The following CDH12 variants were observed in gnomAD, a reference collection of about 807,000 sequenced individuals.
CDH12 encodes cadherin-12.
In CDH12, 41 loss-of-function variants were observed where a neutral mutation model predicts 74.1. The observed-to-expected ratio is 0.55, with a 90% confidence interval of 0.43 to 0.72. CDH12 has a LOEUF of 0.72. Ranked by LOEUF, CDH12 falls within the 30% of genes least tolerant of loss-of-function variation. CDH12 has a pLI of 0.00. For missense variants in CDH12, 945 were observed against 977.2 expected (o/e 0.97, Z 0.44); for synonymous variants, 399 against 355.0 (o/e 1.12, Z -1.39).
chr5:22,586,591 A>G (rs1388317658), intron 1 of CDH12, among the ~76,000 whole-genome samples: 1 of 151,670 alleles, frequency 6.6e-6, no homozygotes, highest in African/African-American at 2.4e-5. Context: ...ATGATATCCT[A>G]TAATTACATA....
chr5:21,918,251 A>C (rs1754191162), intron 6 of CDH12, among the ~76,000 whole-genome samples: 1 of 152,150 alleles, frequency 6.6e-6, no homozygotes, highest in Admixed American at 6.5e-5. Context: ...AGTTTATTTT[A>C]TCCAGTTTCC....
chr5:22,813,292 C>T (rs936510723), intron 1 of CDH12, among the ~76,000 whole-genome samples: 12 of 152,146 alleles, frequency 7.9e-5, no homozygotes, highest in African/African-American at 1.9e-4. Flanking sequence ...ATTATGGCCA[C>T]GAGGTGAAGT....
chr5:22,787,816 T>G (rs1438888361), intron 1 of CDH12, among the ~76,000 whole-genome samples: 2 of 152,084 alleles, frequency 1.3e-5, no homozygotes, highest in Non-Finnish European at 2.9e-5. Context: ...GTCATCAGTC[T>G]TTGTCTTAGG....
chr5:21,799,174 G>C (rs1746971914), intron 10 of CDH12, among the ~76,000 whole-genome samples: 1 of 152,178 alleles, frequency 6.6e-6, no homozygotes, highest in Non-Finnish European at 1.5e-5. Context: ...GGAAAGGTCA[G>C]TAAGTGGCAA....
intron 3 of CDH12, among the ~76,000 whole-genome samples, chr5:22,285,840 G>C (rs1391970014): frequency 6.6e-6 from 1 of 151,992 alleles, no homozygotes; most frequent in Non-Finnish European, 1.5e-5. Context: ...TGAGAGCCCC[G>C]TGTATCAGGC....
At chr5:22,485,733 A>C (rs1355129129) in intron 2 of CDH12, among the ~76,000 whole-genome samples, 1 of 152,196 alleles carries the variant, frequency 6.6e-6, no homozygotes, top group South Asian at 2.1e-4. Flanking sequence ...TACAGCATGG[A>C]AGAAATTGTT....
chr5:22,077,133 G>A (rs4431310), intron 5 of CDH12, among the ~76,000 whole-genome samples: 57,673 of 151,526 alleles, frequency 0.38, 14,109 homozygotes, highest in African/African-American at 0.7. Context: ...GTACTTATGG[G>A]CTGATTTGAT....
chr5:21,984,886 C>G (rs1757450260), intron 5 of CDH12, among the ~76,000 whole-genome samples: 1 of 152,098 alleles, frequency 6.6e-6, no homozygotes, highest in African/African-American at 2.4e-5. Flanking sequence ...AAACATCATA[C>G]CAATTCACTA....
chr5:22,632,341 C>A (rs901028814), intron 1 of CDH12, among the ~76,000 whole-genome samples: 2 of 151,642 alleles, frequency 1.3e-5, no homozygotes, highest in East Asian at 3.9e-4. Flanking sequence ...TGTGAGAATG[C>A]GCTAATACAT....
rs1372491926 is a variant in CDH12 at position 22,206,711 on chromosome 5, CTA to C, written c.-187+5785_-187+5786del. On this transcript the variant is annotated intron_variant, in intron 4 of 14. Coordinates refer to ENST00000382254, the MANE Select transcript of CDH12 (RefSeq NM_004061.5). ...AAAAAAAAAAAAAAAAAGAGTTTCT[CTA>C]TGTTTATTATTTGAATCAATATGCA... Among the ~76,000 whole-genome samples the C allele has an allele frequency of 5.3e-5, 7 of 132,404 alleles. No individual in the cohort carries two copies. The East Asian group carries it at 9.0e-4, about 17-fold the overall frequency. 86.9% of individuals were successfully genotyped at this position (132,404 alleles called of 152,430 possible). A position where few individuals can be genotyped will look rare whatever the true frequency, so the allele number is the denominator to read the frequency against.
intron 1 of CDH12, among the ~76,000 whole-genome samples, chr5:22,761,198 G>A (rs540288260): frequency 6.6e-6 from 1 of 152,282 alleles, no homozygotes; most frequent in Non-Finnish European, 1.5e-5. Flanking sequence ...GGACAAACCT[G>A]AGCATAAAAT....
intron 1 of CDH12, among the ~76,000 whole-genome samples, chr5:22,707,516 C>T (rs532993391): frequency 6.6e-6 from 1 of 152,080 alleles, no homozygotes; most frequent in African/African-American, 2.4e-5. Flanking sequence ...TGTCTTTGAA[C>T]TATCATCAGT....
At chr5:22,220,385 A>C (rs562045766) in intron 3 of CDH12, among the ~76,000 whole-genome samples, 40 of 148,166 alleles carry the variant, frequency 2.7e-4, no homozygotes, top group Middle Eastern at 3.4e-3. Context: ...GAATGCATCT[A>C]TCATGTTTTA....
chr5:22,238,199 C>T (rs554508747), intron 3 of CDH12, among the ~76,000 whole-genome samples: 15 of 152,256 alleles, frequency 9.9e-5, no homozygotes, highest in East Asian at 3.9e-4. Context: ...CCTGCTATAA[C>T]GGAGAAGAGC....
At chr5:22,551,698 C>T (rs1196476528) in intron 1 of CDH12, among the ~76,000 whole-genome samples, 1 of 151,290 alleles carries the variant, frequency 6.6e-6, no homozygotes, top group Non-Finnish European at 1.5e-5. Context: ...GGTTAAATGC[C>T]TATGGAAAAA....
chr5:22,415,527 T>C (rs1372106313), intron 2 of CDH12, among the ~76,000 whole-genome samples: 1 of 152,196 alleles, frequency 6.6e-6, no homozygotes, highest in Non-Finnish European at 1.5e-5. Context: ...TTGTCCTCTT[T>C]CTTGCTGTTT....
rs543225994 is a variant in CDH12 at position 22,430,903 on chromosome 5, T to C, written c.-427-25552A>G. Reference sequence around the variant, plus strand: ...TCTTTAGCAGTTTCTTTGTAGTAAGTTGCTGATTTTACTTCAAGTAAGCTA... The same window carrying C: ...TCTTTAGCAGTTTCTTTGTAGTAAGCTGCTGATTTTACTTCAAGTAAGCTA... On this transcript the variant is annotated intron_variant, in intron 2 of 14. Transcript: ENST00000382254. Among the ~76,000 whole-genome samples the C allele has an allele frequency of 3.3e-5, 5 of 152,292 alleles. 1 individual carries two copies. The East Asian group carries it at 7.7e-4, about 23-fold the overall frequency.
intron 1 of CDH12, among the ~76,000 whole-genome samples, chr5:22,549,123 TTTG>T (rs1738453989): frequency 7.2e-6 from 1 of 138,846 alleles, no homozygotes; most frequent in Admixed American, 8.1e-5. Flanking sequence ...TGTTTGTTTA[TTTG>T]TTTTTTTTTT....
chr5:22,383,155 T>C (rs1306700354), intron 3 of CDH12, among the ~76,000 whole-genome samples: 4 of 152,174 alleles, frequency 2.6e-5, no homozygotes. Flanking sequence ...CATAACTAAA[T>C]CAATCTAATT....
Sources: gnomAD v4.1 joint callset for allele counts (sites outside exome capture counted in the v4.1 genomes callset) on GRCh38, gnomAD v4.1.1 for gene constraint, MANE v1.5 for transcripts, NCBI Gene and HGNC (gene_info 2026-07-23, HGNC 2026-07-21) for gene names.